RNLS: variants seen among roughly 807,000 people sequenced by gnomAD.
RNLS encodes the protein renalase, FAD dependent amine oxidase.
RNLS carries 39 observed loss-of-function variants against 39.8 expected under a neutral mutation model. The ratio of observed to expected loss-of-function variants is 0.98; its 90% confidence interval spans 0.76 to 1.28. RNLS has a LOEUF of 1.28. Among genes scored for constraint, RNLS ranks in the 50% most tolerant of loss-of-function variants. The pLI, the probability that RNLS is intolerant of heterozygous loss-of-function variation, is 0.00. For missense variants in RNLS, 410 were observed against 413.3 expected, an observed-to-expected ratio of 0.99 and a Z score of 0.07; for synonymous variants, 147 against 150.7, an observed-to-expected ratio of 0.98 and a Z score of 0.18.
At chr10:88,484,147 G>A (rs942973810) in intron 4 of RNLS, among the ~76,000 whole-genome samples, 1 of 152,108 alleles carries the variant, frequency 6.6e-6, no homozygotes, top group South Asian at 2.1e-4. Context: ...TAATCTTAAG[G>A]ATGAAGGATG....
At chr10:88,475,978 G>A (rs1468011379) in intron 4 of RNLS, among the ~76,000 whole-genome samples, 7 of 152,114 alleles carry the variant, frequency 4.6e-5, no homozygotes, top group Non-Finnish European at 5.9e-5. Context: ...ATCCTCTACA[G>A]GACATTACTC....
the RNLS span, among the ~76,000 whole-genome samples, chr10:88,192,513 G>A: frequency 6.6e-6 from 1 of 152,168 alleles, no homozygotes; most frequent in Non-Finnish European, 1.5e-5. Flanking sequence ...CCCATGCGGG[G>A]GAATTTTGAA....
intron 5 of RNLS, among the ~76,000 whole-genome samples, chr10:88,340,087 T>G (rs1399209006): frequency 6.6e-6 from 1 of 152,234 alleles, no homozygotes; most frequent in Non-Finnish European, 1.5e-5. Context: ...TTGGAAATTC[T>G]CAATATCTTG....
chr10:88,517,951 T>G (rs934657379), intron 4 of RNLS, among the ~76,000 whole-genome samples: 2 of 151,920 alleles, frequency 1.3e-5, no homozygotes, highest in Non-Finnish European at 2.9e-5. Flanking sequence ...GTTATAAATC[T>G]TAATTTTGTG....
intron 4 of RNLS, among the ~76,000 whole-genome samples, chr10:88,551,309 T>C (rs1236072247): frequency 6.6e-6 from 1 of 152,326 alleles, no homozygotes; most frequent in East Asian, 1.9e-4. Flanking sequence ...TAAAATTTTT[T>C]AATATTTTCA....
Position 88,466,899 on chromosome 10 carries a change from T to TA in RNLS, c.527-104175dup, listed in dbSNP as rs1244622850. ...CACATTTCACTTGCTCAATGAAAAA[T>TA]AAAAAAACCTTCTTTTATTTTTAAA... On this transcript the variant is annotated intron_variant, in intron 4 of 6. Coordinates refer to ENST00000331772, the MANE Select transcript of RNLS (RefSeq NM_001031709.3). 4.6e-5 allele frequency among the ~76,000 whole-genome samples: 7 copies of TA among 152,030 alleles called. No individual in the cohort carries two copies. In the East Asian group the frequency reaches 5.8e-4, roughly 13 times the overall value.
At position 88,274,731 on chromosome 10, in the gene RNLS, A is replaced by G. The variant is rs10749568; in HGVS notation, c.*230T>C. ...CCAGATGTGGAACTGCAGATCATAC[A>G]GCAATTCTATATTTCATTTCTAAAG... On this transcript the variant is annotated 3_prime_UTR_variant, in exon 7 of 7. Transcript: ENST00000371947. 349,362 of 407,610 alleles carry G rather than the reference A, an allele frequency of 0.86. 150,328 individuals carry two copies. The highest frequency in any genetic ancestry group is 0.89 in the Non-Finnish European group (192,921 of 217,602). 25.2% of individuals were successfully genotyped at this position (407,610 alleles called of 1,614,324 possible). A position where few individuals can be genotyped will look rare whatever the true frequency, so the allele number is the denominator to read the frequency against.
At chr10:88,513,889 A>G (rs1056659655) in intron 4 of RNLS, among the ~76,000 whole-genome samples, 11 of 152,148 alleles carry the variant, frequency 7.2e-5, no homozygotes, top group Non-Finnish European at 1.2e-4. Flanking sequence ...GACAATACCA[A>G]AGATGAAAAG....
At chr10:88,490,249 T>G (rs567006475) in intron 4 of RNLS, among the ~76,000 whole-genome samples, 1 of 152,332 alleles carries the variant, frequency 6.6e-6, no homozygotes, top group Admixed American at 6.5e-5. Flanking sequence ...AATACGTGAT[T>G]TATAAGTTTA....
intron 4 of RNLS, among the ~76,000 whole-genome samples, chr10:88,381,349 A>C (rs1462711905): frequency 1.3e-5 from 2 of 152,094 alleles, no homozygotes; most frequent in African/African-American, 4.8e-5. Context: ...ACGTACAATT[A>C]TTTTAGGCTT....
intron 6 of RNLS, among the ~76,000 whole-genome samples, chr10:88,293,202 G>T (rs1369888723): frequency 6.6e-6 from 1 of 152,152 alleles, no homozygotes; most frequent in Non-Finnish European, 1.5e-5. Context: ...TAATCTTCTT[G>T]CCTTGGCATT....
intron 6 of RNLS, among the ~76,000 whole-genome samples, chr10:88,276,192 T>A (rs72818073): frequency 6.6e-6 from 1 of 152,216 alleles, no homozygotes; most frequent in African/African-American, 2.4e-5. Flanking sequence ...TTTCTCTACA[T>A]TAAGGACATA....
chr10:88,285,658 CA>C (rs966897186), intron 6 of RNLS, 152 bp from the exon 7 acceptor site: 4 of 648,810 alleles, frequency 6.2e-6, no homozygotes, highest in African/African-American at 1.8e-5. Flanking sequence ...ACACAAGAAA[CA>C]AAAAACAAAC....
At chr10:88,232,864 G>A in the RNLS span, among the ~76,000 whole-genome samples, 1 of 152,166 alleles carries the variant, frequency 6.6e-6, no homozygotes, top group Non-Finnish European at 1.5e-5. Context: ...TGTAATGTGT[G>A]ACATACCAAA....
At chr10:88,448,820 A>G (rs1735316141) in intron 4 of RNLS, among the ~76,000 whole-genome samples, 1 of 152,246 alleles carries the variant, frequency 6.6e-6, no homozygotes, top group Non-Finnish European at 1.5e-5. Flanking sequence ...CTATGCAGCC[A>G]TAAAAAATGA....
chr10:88,265,332 T>TC, the RNLS span, among the ~76,000 whole-genome samples: 31 of 146,964 alleles, frequency 2.1e-4, no homozygotes, highest in African/African-American at 7.0e-4. Context: ...TCTTTTTTTT[T>TC]TTTTTTTTTT....
intron 3 of RNLS, among the ~76,000 whole-genome samples, chr10:88,579,463 G>C (rs931094796): frequency 5.9e-5 from 9 of 152,090 alleles, no homozygotes; most frequent in African/African-American, 2.2e-4. Context: ...CTATTTTCTA[G>C]GGCTAGCCTC....
intron 4 of RNLS, among the ~76,000 whole-genome samples, chr10:88,510,003 T>TA (rs1457737456): frequency 6.6e-6 from 1 of 152,188 alleles, no homozygotes; most frequent in Admixed American, 6.6e-5. Context: ...ATGACCATTG[T>TA]AAGTAATCCC....
rs117561437 is a variant in RNLS, at chr10:88,403,080, G to A, written c.527-40355C>T. Among the ~76,000 whole-genome samples the A allele has an allele frequency of 2.0e-3, 304 of 151,960 alleles. 6 individuals are homozygous for A. In the East Asian group the frequency reaches 0.052, roughly 26 times the overall value. Reference sequence around the variant, plus strand: ...CAGATGAATGTTAAGTGACATCATGGGGACGTTTTCAGCCAAATGCAGACC... The same window carrying A: ...CAGATGAATGTTAAGTGACATCATGAGGACGTTTTCAGCCAAATGCAGACC... On this transcript the variant is annotated intron_variant, in intron 4 of 6. Coordinates refer to ENST00000331772, the MANE Select transcript of RNLS (RefSeq NM_001031709.3).
Sources: gnomAD v4.1 joint callset for allele counts (sites outside exome capture counted in the v4.1 genomes callset) on GRCh38, gnomAD v4.1.1 for gene constraint, MANE v1.5 for transcripts, NCBI Gene and HGNC (gene_info 2026-07-23, HGNC 2026-07-21) for gene names.